ITPR3: variants seen among roughly 807,000 people sequenced by gnomAD.
ITPR3 encodes inositol 1,4,5-trisphosphate-gated calcium channel ITPR3.
A neutral mutation model predicts 293.2 loss-of-function variants in ITPR3; 173 were observed. That is an observed-to-expected ratio of 0.59 (90% confidence interval 0.52 to 0.67). The LOEUF (loss-of-function observed/expected upper bound fraction) is 0.67, where lower values mean the gene tolerates loss of function less well. Among genes scored for constraint, ITPR3 ranks in the 30% least tolerant of loss-of-function variants. The probability of loss-of-function intolerance (pLI) is 0.00; values close to 1 mark genes in which losing one functional copy is unlikely to be tolerated. For synonymous variants in ITPR3, 1,295 were observed against 1,444.4 expected, an observed-to-expected ratio of 0.90 and a Z score of 2.35; for missense variants, 2,796 against 3,592.1, an observed-to-expected ratio of 0.78 and a Z score of 5.66.
In ITPR3 at chr6:33,683,966, T is replaced by A; in HGVS notation, c.4789-54T>A. On this transcript the variant is annotated intron_variant, in intron 35 of 57. Transcript: ENST00000605930. The surrounding 1 kb of genome is among the most constrained non-coding windows in gnomAD (Gnocchi z 4.5). The stretch of plus-strand genomic sequence containing the variant: ...GGCGTTTGGGTCGGAGGAATGGCAG[T>A]CACACCCGGGTCATTTCTTGGGCCT... 6.5e-7 allele frequency: 1 copy of A among 1,542,590 alleles called. No homozygotes were observed. The highest frequency in any genetic ancestry group is 8.7e-7 in the Non-Finnish European group (1 of 1,144,866).
In ITPR3 at chr6:33,667,107, C is replaced by A; in HGVS notation, c.1552-22C>A. 6.2e-7 allele frequency: 1 copy of A among 1,611,418 alleles called. No homozygotes were observed. Among genetic ancestry groups the A allele is most frequent in the South Asian group, 1.1e-5 (1 of 90,696 alleles). ...ACAGACAGGTGTTGGGGAATCAGTC[C>A]TCACCCTCTGTATTCCCCCAGGTCT... On this transcript the variant is annotated intron_variant, in intron 14 of 57. Coordinates refer to ENST00000605930, the MANE Select transcript of ITPR3 (RefSeq NM_002224.4). The surrounding 1 kb of genome is among the most constrained non-coding windows in gnomAD (Gnocchi z 4.4).
chr6:33,680,224 A>C, intron 31 of ITPR3, 91 bp downstream of exon 31: 2 of 1,577,858 alleles, frequency 1.3e-6, no homozygotes, highest in Non-Finnish European at 1.7e-6. Context: ...AAGCAAAGCC[A>C]GGGAAGTGGG....
chr6:33,689,967 G>A, intron 50 of ITPR3, 67 bp from the exon 51 acceptor site: 2 of 1,581,462 alleles, frequency 1.3e-6, no homozygotes, highest in Non-Finnish European at 8.7e-7. Context: ...TGGGCACTGG[G>A]GGACATGCGT....
In ITPR3 at chr6:33,675,757, C is replaced by T; in HGVS notation, c.3183C>T (p.His1061=). Residue 1061 remains histidine, a synonymous_variant, in exon 25 of 58, where the codon CAC becomes CAT. Coordinates refer to ENST00000605930, the MANE Select transcript of ITPR3 (RefSeq NM_002224.4). The surrounding 1 kb of genome is among the most constrained non-coding windows in gnomAD (Gnocchi z 5.0). ...GCATGTTCCTGCGCGTGCTCATCCA[C>T]CTCACCATGCACGACTATGCGCCGC... ...GGRMFLRVLI[H]LTMHDYAPLV... 6 of 1,613,242 alleles carry T rather than the reference C, an allele frequency of 3.7e-6. No individual in the cohort carries two copies. The highest frequency in any genetic ancestry group is 3.3e-5 in the South Asian group (3 of 91,042).
In ITPR3 at chr6:33,688,307, G is replaced by A. The variant is rs771212054; in HGVS notation, c.6444G>A (p.Thr2148=). The change falls in exon 48 of 58, where the codon ACG becomes ACA. Residue 2148 remains threonine (T), a synonymous_variant. Coordinates refer to ENST00000605930, the MANE Select transcript of ITPR3 (RefSeq NM_002224.4). ...TGCCCGGCATCTGCCAGTTCCTGAC[G>A]GAGGAAACCAAGCACCGGCTCTTCA... is the stretch of plus-strand genomic sequence containing the variant. ...FPVPGICQFL[T]EETKHRLFTT... is the part of the protein sequence containing the mutation. 102 of 1,614,080 alleles carry A rather than the reference G, an allele frequency of 6.3e-5. No homozygotes were observed. Among genetic ancestry groups the A allele is most frequent in the Middle Eastern group, 3.3e-4 (2 of 6,084 alleles).
chr6:33,657,540 G>A (rs986675558), intron 3 of ITPR3, among the ~76,000 whole-genome samples: 2 of 151,252 alleles, frequency 1.3e-5, no homozygotes, highest in Non-Finnish European at 2.9e-5. Context: ...CAAGGGTCCC[G>A]TGTCTGGGGC....
chr6:33,642,439 G>C (rs1453924709), intron 2 of ITPR3, among the ~76,000 whole-genome samples: 2 of 152,138 alleles, frequency 1.3e-5, no homozygotes, highest in Non-Finnish European at 2.9e-5. Context: ...AGGGTCCCAA[G>C]GGTGGGCTCT....
rs375749310 is a variant in ITPR3, at chr6:33,668,984, G to A, written c.2017G>A (p.Val673Met). 2.9e-5 allele frequency: 46 copies of A among 1,613,590 alleles called. No homozygotes were observed. In the African/African-American group the frequency reaches 4.9e-4, roughly 17 times the overall value. Residue 673 changes from valine to methionine, a missense_variant, in exon 18 of 58, where the codon GTG (valine) becomes ATG (methionine). Transcript: ENST00000605930. The part of the protein sequence containing the change: ...DILIRTELRP[V>M]KEMAQSHEYL... Reference sequence around the variant, plus strand: ...GCTGGTGGTCTGCAGGCTTCGGCCCGTGAAGGAGATGGCCCAATCCCACGA... The same window carrying A: ...GCTGGTGGTCTGCAGGCTTCGGCCCATGAAGGAGATGGCCCAATCCCACGA...
chr6:33,662,729 C>A (rs988840968), intron 8 of ITPR3, 55 bp downstream of exon 8: 7 of 1,592,200 alleles, frequency 4.4e-6, no homozygotes, highest in Non-Finnish European at 6.0e-6. Flanking sequence ...GCCACCCCTC[C>A]CTCTTCCCCA....
In ITPR3 at chr6:33,662,521, C is replaced by G; in HGVS notation, c.712-7C>G. 3.2e-6 allele frequency: 5 copies of G among 1,579,886 alleles called. No individual in the cohort carries two copies. Among genetic ancestry groups the G allele is most frequent in the Non-Finnish European group, 4.3e-6 (5 of 1,165,738 alleles). On this transcript the variant is annotated splice_polypyrimidine_tract_variant and splice_region_variant and intron_variant, in intron 7 of 57. Coordinates refer to ENST00000605930, the MANE Select transcript of ITPR3 (RefSeq NM_002224.4). ...AGCCATCCTGAGCCACACCCTGCTG[C>G]CTGCAGGGAGACGTGGTGCGGCTGT... is the stretch of plus-strand genomic sequence containing the variant.
At chr6:33,657,218 G>GGTTGGTGTAAAT in intron 3 of ITPR3, among the ~76,000 whole-genome samples, 1 of 152,352 alleles carries the variant, frequency 6.6e-6, no homozygotes, top group Admixed American at 6.5e-5. Context: ...CCAGTCTGAT[G>GGTTGGTGTAAAT]GAGGGGACAG....
chr6:33,640,401 C>T (rs1763920199), intron 1 of ITPR3, 83 bp from the exon 2 acceptor site: 1 of 1,294,008 alleles, frequency 7.7e-7, no homozygotes, highest in African/African-American at 1.5e-5. Flanking sequence ...CACTGGTACC[C>T]TGGCATCCCC....
chr6:33,657,945 T>A lies in ITPR3; in HGVS notation c.296T>A (p.Met99Lys), dbSNP rs1399843277. The A allele has an allele frequency of 2.5e-6, 4 of 1,613,592 alleles. No homozygotes were observed. In the South Asian group the frequency reaches 4.4e-5, roughly 18 times the overall value. The change falls in exon 4 of 58, where the codon ATG becomes AAG. Residue 99 changes from methionine (M) to lysine (K), a missense_variant. Coordinates refer to ENST00000605930, the MANE Select transcript of ITPR3 (RefSeq NM_002224.4). Reference protein sequence around the residue: ...LLQKLQHAAQMEQKQNDTENK... With the variant: ...LLQKLQHAAQKEQKQNDTENK... ...GTGTCTGTGCAGCATGCGGCGCAGA[T>A]GGAGCAGAAGCAAAATGACACGGAG...
rs755303510 is a variant in ITPR3 at position 33,670,758 on chromosome 6, T to C, written c.2529T>C (p.Asn843=). The change falls in exon 20 of 58, where the codon AAT becomes AAC. Residue 843 remains asparagine (N), a synonymous_variant. Transcript: ENST00000605930. The surrounding 1 kb of genome is among the most constrained non-coding windows in gnomAD (Gnocchi z 6.7). ...AGTTCGTGGAGGACTACCTCAACAA[T>C]GTAGTCAGCGAGGCCGTGCCCTTTG... is the stretch of plus-strand genomic sequence containing the variant. ...TMEFVEDYLN[N]VVSEAVPFAN... is the part of the protein sequence containing the mutation. The C allele has an allele frequency of 1.9e-6, 3 of 1,613,904 alleles. No individual in the cohort carries two copies. The highest frequency in any genetic ancestry group is 1.6e-4 in the Middle Eastern group (1 of 6,062).
chr6:33,695,496 G>C, intron 57 of ITPR3: 1 of 587,584 alleles, frequency 1.7e-6, no homozygotes, highest in South Asian at 2.1e-5. Flanking sequence ...TTTCCCAGCT[G>C]CATCAAATCC....
At position 33,659,061 on chromosome 6, in the gene ITPR3, C is replaced by T. The variant is rs1764386597; in HGVS notation, c.569C>T (p.Ala190Val). Residue 190 changes from alanine (A) to valine (V), a missense_variant, in exon 6 of 58, where the codon GCC becomes GTC. Around this residue, in one of 8 missense-constraint regions of ITPR3, gnomAD observed 144 missense variants for 230.8 expected, o/e 0.62. Transcript: ENST00000605930. Reference protein sequence around the residue: ...GDKVILNPVNAGQPLHASNYE... With the variant: ...GDKVILNPVNVGQPLHASNYE... ...AAGGTGATCCTGAATCCTGTCAATG[C>T]CGGGCAGCCTCTGCATGCCAGCAAT... is the stretch of plus-strand genomic sequence containing the variant. The T allele has an allele frequency of 6.2e-7, 1 of 1,613,998 alleles. No homozygotes were observed. Among genetic ancestry groups the T allele is most frequent in the African/African-American group, 1.3e-5 (1 of 74,904 alleles).
At chr6:33,648,336 G>C (rs912272513) in intron 2 of ITPR3, among the ~76,000 whole-genome samples, 1 of 151,978 alleles carries the variant, frequency 6.6e-6, no homozygotes, top group African/African-American at 2.4e-5. Flanking sequence ...AGAGTGTTAG[G>C]ATTACAGGCA....
Position 33,676,707 on chromosome 6 carries a change from G to A in ITPR3, c.3283-61G>A, listed in dbSNP as rs914673578. 27 of 1,591,974 alleles carry A rather than the reference G, an allele frequency of 1.7e-5. No individual in the cohort carries two copies. The African/African-American group carries it at 3.4e-4, about 20-fold the overall frequency. ...CCCTAGAGTAAGGAAGGTGCTGGAG[G>A]TCTCTAAGTGGCATGGACCTGGAGC... On this transcript the variant is annotated intron_variant, in intron 25 of 57. Coordinates refer to ENST00000605930, the MANE Select transcript of ITPR3 (RefSeq NM_002224.4).
At position 33,690,277 on chromosome 6, in the gene ITPR3, C is replaced by T. The variant is rs1372186426; in HGVS notation, c.7032+79C>T. On this transcript the variant is annotated intron_variant, in intron 51 of 57. Coordinates refer to ENST00000605930, the MANE Select transcript of ITPR3 (RefSeq NM_002224.4). ...TTCCCATGAGTTGTTGGCAGTTCCC[C>T]GGCACCAGTCTGTCTGTCCAGTCCT... 21 of 1,341,460 alleles carry T rather than the reference C, an allele frequency of 1.6e-5. No individual in the cohort carries two copies. In the East Asian group the frequency reaches 1.7e-4, roughly 11 times the overall value. 83.1% of individuals were successfully genotyped at this position (1,341,460 alleles called of 1,614,324 possible). A position where few individuals can be genotyped will look rare whatever the true frequency, so the allele number is the denominator to read the frequency against.
Sources: allele counts gnomAD v4.1 joint callset (sites outside exome capture counted in the v4.1 genomes callset), GRCh38; gene constraint gnomAD v4.1.1; regional missense constraint gnomAD v4.1.1; non-coding constraint Gnocchi (gnomAD v3.1); transcripts MANE v1.5; gene names NCBI Gene and HGNC (gene_info 2026-07-23, HGNC 2026-07-21).